The following THAP4 variants were observed in gnomAD, a reference collection of about 807,000 sequenced individuals.
THAP4 encodes the protein peroxynitrite isomerase THAP4.
In THAP4, 18 loss-of-function variants were observed where a neutral mutation model predicts 48.1. The ratio of observed to expected loss-of-function variants is 0.37; its 90% CI spans 0.26 to 0.56. The LOEUF (loss-of-function observed/expected upper bound fraction) is 0.56. Ranked by LOEUF, THAP4 falls within the 20% of genes least tolerant of loss-of-function variation. The pLI, the probability that THAP4 is intolerant of heterozygous loss-of-function variation, is 0.78. For synonymous variants in THAP4, 345 were observed against 324.9 expected, an observed-to-expected ratio of 1.06 and a Z score of -0.66; for missense variants, 656 against 774.9, an observed-to-expected ratio of 0.85 and a Z score of 1.82.
intron 2 of THAP4, among the ~76,000 whole-genome samples, chr2:241,615,920 G>T (rs2125087536): frequency 6.6e-6 from 1 of 152,306 alleles, no homozygotes; most frequent in Admixed American, 6.5e-5. Context: ...AGGATGCTGG[G>T]GAGCTGGTTC....
At chr2:241,590,901 CACACAGA>C (rs1223839559) in intron 5 of THAP4, among the ~76,000 whole-genome samples, 5 of 142,366 alleles carry the variant, frequency 3.5e-5, no homozygotes, top group Admixed American at 1.4e-4. Flanking sequence ...GGCACTAGGA[CACACAGA>C]ACTGCCCGGC....
intron 3 of THAP4, 71 bp from the exon 4 acceptor site, chr2:241,603,150 G>A: frequency 7.9e-7 from 1 of 1,271,862 alleles, no homozygotes; most frequent in Non-Finnish European, 1.1e-6. Flanking sequence ...GTGGATGCCA[G>A]AACTGTCCAG....
Position 241,612,226 on chromosome 2 carries a change from C to G in THAP4, c.1241-5753G>C, listed in dbSNP as rs1438128747. 6.6e-6 allele frequency among the ~76,000 whole-genome samples: 1 copy of G among 151,928 alleles called. No individual in the cohort carries two copies. Among genetic ancestry groups the G allele is most frequent in the Non-Finnish European group, 1.5e-5 (1 of 67,994 alleles). On this transcript the variant is annotated intron_variant, in intron 2 of 5. Transcript: ENST00000407315. This position sits in a 1 kb window ranked among gnomAD's most constrained non-coding sequence, Gnocchi z 4.1. ...ACAGGGAGAAACAAACACCGGGAAA[C>G]ACAGCGGAACACAGAGGACAGAAAT...
intron 2 of THAP4, among the ~76,000 whole-genome samples, chr2:241,631,138 A>G (rs2067554807): frequency 6.6e-6 from 1 of 152,216 alleles, no homozygotes; most frequent in Non-Finnish European, 1.5e-5. Flanking sequence ...TGATCTGAAA[A>G]TCTAGGTCAG....
chr2:241,586,520 GA>G (rs1208793622), intron 5 of THAP4, among the ~76,000 whole-genome samples: 2 of 151,950 alleles, frequency 1.3e-5, no homozygotes, highest in Non-Finnish European at 2.9e-5. Flanking sequence ...AAGAAAAAAA[GA>G]AAAACTCCTT....
chr2:241,585,769 C>T (rs963896364), intron 5 of THAP4, among the ~76,000 whole-genome samples: 3 of 151,606 alleles, frequency 2.0e-5, no homozygotes, highest in Admixed American at 6.6e-5. Context: ...GAGGCGCAGC[C>T]GGGCATGGTG....
intron 1 of THAP4, 103 bp downstream of exon 1, chr2:241,636,838 A>AGGCCCGGCGCCCCCGCCCCCCGC (rs2067672001): frequency 1.7e-6 from 1 of 600,992 alleles, no homozygotes; most frequent in Non-Finnish European, 2.1e-6. Context: ...CCGGCCGCCG[A>AGGCCCGGCGCCCCCGCCCCCCGC]GGCCCGGCGC....
intron 2 of THAP4, among the ~76,000 whole-genome samples, chr2:241,608,668 A>G (rs2067221180): frequency 6.6e-6 from 1 of 152,254 alleles, no homozygotes; most frequent in South Asian, 2.1e-4. Context: ...TCCAGGGAGA[A>G]GCTGACGGAA....
rs932888175 is a variant in THAP4 at position 241,601,149 on chromosome 2, A to G, written c.1614+747T>C. 1.6e-4 allele frequency among the ~76,000 whole-genome samples: 24 copies of G among 152,046 alleles called. No homozygotes were observed. The highest frequency in any genetic ancestry group is 5.6e-4 in the African/African-American group (23 of 41,390). On this transcript the variant is annotated intron_variant, in intron 5 of 5. Transcript: ENST00000407315. The surrounding 1 kb of genome is among the most constrained non-coding windows in gnomAD (Gnocchi z 4.0). ...CAAAATTAGCCAGGCGTGGTGGCGC[A>G]TGCCTGTAATCCCAGCTACCCAGGA...
intron 5 of THAP4, among the ~76,000 whole-genome samples, chr2:241,594,392 TG>T (rs71406470): frequency 5.3e-5 from 8 of 152,144 alleles, no homozygotes; most frequent in Non-Finnish European, 1.2e-4. Flanking sequence ...GAGACCAGCC[TG>T]GGCAACATGG....
chr2:241,632,225 T>C (rs1165937701), intron 2 of THAP4, among the ~76,000 whole-genome samples: 2 of 152,046 alleles, frequency 1.3e-5, no homozygotes, highest in Admixed American at 6.6e-5. Flanking sequence ...CCCCAATAAC[T>C]GGGATTACAA....
intron 5 of THAP4, among the ~76,000 whole-genome samples, chr2:241,589,253 C>T (rs908576387): frequency 6.1e-5 from 9 of 147,132 alleles, no homozygotes; most frequent in African/African-American, 2.3e-4. Context: ...CCCACCCCCA[C>T]CAAAAAAAAC....
chr2:241,602,941 G>T, intron 4 of THAP4, 29 bp downstream of exon 4: 3 of 1,558,190 alleles, frequency 1.9e-6, no homozygotes, highest in Non-Finnish European at 1.8e-6. Flanking sequence ...CCCATGGCCA[G>T]CCCTCCCGCC....
At chr2:241,606,599 T>A in intron 2 of THAP4, 126 bp from the exon 3 acceptor site, 1 of 926,032 alleles carries the variant, frequency 1.1e-6, no homozygotes, top group Non-Finnish European at 1.5e-6. Flanking sequence ...GGGGGACCTG[T>A]CAAGAGCGGG....
rs1480877213 is a variant in THAP4 at position 241,633,055 on chromosome 2, T to C, written c.1102A>G (p.Lys368Glu). The C allele has an allele frequency of 6.8e-6, 11 of 1,613,950 alleles. No individual in the cohort carries two copies. The highest frequency in any genetic ancestry group is 9.3e-6 in the Non-Finnish European group (11 of 1,180,024). ...QVCCLREQVE[K>E]KNGELKSLRQ... ...AGGCTCTTCAGCTCGCCGTTCTTCT[T>C]CTCCACCTGCTCCCGCAGGCAGCAC... The change falls in exon 2 of 6, where the codon AAG becomes GAG. Residue 368 changes from lysine (K) to glutamate (E), a missense_variant. Lys to Glu is a moderately conservative substitution (Grantham distance 56). Around this residue, in one of 4 missense-constraint regions of THAP4, gnomAD observed 391 missense variants for 412.4 expected, o/e 0.95. Coordinates refer to ENST00000407315, the MANE Select transcript of THAP4 (RefSeq NM_015963.6). This position sits in a 1 kb window ranked among gnomAD's most constrained non-coding sequence, Gnocchi z 7.5.
chr2:241,635,991 C>T (rs562416276), intron 1 of THAP4, among the ~76,000 whole-genome samples: 3 of 152,252 alleles, frequency 2.0e-5, no homozygotes, highest in South Asian at 4.1e-4. Flanking sequence ...ATTCCGATGT[C>T]CTTTCCTCCC....
chr2:241,617,579 G>A (rs1057273432), intron 2 of THAP4: 25 of 971,884 alleles, frequency 2.6e-5, no homozygotes, highest in Middle Eastern at 2.1e-4. Flanking sequence ...GAAAGATCAC[G>A]TCTCAGAAGA....
At chr2:241,592,268 T>C (rs1368790562) in intron 5 of THAP4, 3 of 152,434 alleles carry the variant, frequency 2.0e-5, no homozygotes, top group Non-Finnish European at 2.9e-5. Context: ...GCAAGGCACG[T>C]GCTACACAGA....
In THAP4 at chr2:241,587,469, T is replaced by C. The variant is rs141401995; in HGVS notation, c.1615-2744A>G. ...AAGCCTTTGGACTTGGACTGAGCCA[T>C]GACACTGGCATCCCAGGGTTTCCAG... is the stretch of plus-strand genomic sequence containing the variant. On this transcript the variant is annotated intron_variant, in intron 5 of 5. Transcript: ENST00000407315. Among the ~76,000 whole-genome samples the C allele has an allele frequency of 1.1e-3, 173 of 152,348 alleles. 1 individual carries two copies. Among genetic ancestry groups the C allele is most frequent in the African/African-American group, 3.8e-3 (156 of 41,588 alleles).
Sources: gnomAD v4.1 joint callset for allele counts (sites outside exome capture counted in the v4.1 genomes callset) on GRCh38, gnomAD v4.1.1 for gene constraint, gnomAD v4.1.1 regional missense constraint, Gnocchi (gnomAD v3.1) non-coding constraint, MANE v1.5 for transcripts, NCBI Gene and HGNC (gene_info 2026-07-23, HGNC 2026-07-21) for gene names.